The following STARD3 variants were observed in gnomAD, a reference collection of about 807,000 sequenced individuals.
STARD3 encodes stAR-related lipid transfer protein 3.
In STARD3, 39 loss-of-function variants were observed where a neutral mutation model predicts 62.0. The observed-to-expected ratio is 0.63, with a 90% CI of 0.49 to 0.82. STARD3 has a LOEUF of 0.82. Among genes scored for constraint, STARD3 ranks in the 40% least tolerant of loss-of-function variants. The pLI is 0.00. For synonymous variants in STARD3, 229 were observed against 242.4 expected, an observed-to-expected ratio of 0.94 and a Z score of 0.51; for missense variants, 543 against 584.5, an observed-to-expected ratio of 0.93 and a Z score of 0.73.
At chr17:39,649,962 C>CTGCT (rs1310896690) in intron 1 of STARD3, among the ~76,000 whole-genome samples, 7 of 150,238 alleles carry the variant, frequency 4.7e-5, no homozygotes, top group Admixed American at 1.3e-4. Context: ...CTGTAAGTTA[C>CTGCT]TGCTCACACG....
intron 1 of STARD3, among the ~76,000 whole-genome samples, chr17:39,646,056 T>A (rs1261871922): frequency 1.3e-5 from 2 of 151,024 alleles, no homozygotes; most frequent in Non-Finnish European, 3.0e-5. Flanking sequence ...CACACCCGGC[T>A]ATTTTTTGTA....
intron 1 of STARD3, among the ~76,000 whole-genome samples, chr17:39,641,401 C>T (rs893544968): frequency 4.6e-5 from 7 of 151,752 alleles, no homozygotes; most frequent in African/African-American, 1.2e-4. Flanking sequence ...CCTATGATCG[C>T]GCCTGTGAAC....
At chr17:39,658,302 A>G in intron 5 of STARD3, 103 bp from the exon 6 acceptor site, 1 of 1,079,258 alleles carries the variant, frequency 9.3e-7, no homozygotes, top group Non-Finnish European at 1.4e-6. Context: ...GCTACCAGGA[A>G]TGGGGTGTAT....
chr17:39,662,860 T>C lies in STARD3; in HGVS notation c.1290T>C (p.Phe430=). The change falls in exon 15 of 15, where the codon TTT becomes TTC. Residue 430 remains phenylalanine (F), a synonymous_variant. Coordinates refer to ENST00000336308, the MANE Select transcript of STARD3 (RefSeq NM_006804.4). The part of the protein sequence containing the change: ...HQSLAATMFE[F]AFHLRQRISE... ...GCCTCGCGGCCACCATGTTTGAATT[T>C]GCCTTTCACCTGCGACAGCGCATCA... is the stretch of plus-strand genomic sequence containing the variant. The C allele has an allele frequency of 6.2e-7, 1 of 1,612,710 alleles. No individual in the cohort carries two copies. Among genetic ancestry groups the C allele is most frequent in the Non-Finnish European group, 8.5e-7 (1 of 1,179,478 alleles).
At chr17:39,647,594 C>T (rs998927257) in intron 1 of STARD3, among the ~76,000 whole-genome samples, 3 of 152,132 alleles carry the variant, frequency 2.0e-5, no homozygotes, top group African/African-American at 7.2e-5. Context: ...AGTTCCACGC[C>T]ACGGTGGGTT....
At chr17:39,640,546 C>T (rs542364043) in intron 1 of STARD3, among the ~76,000 whole-genome samples, 1 of 139,312 alleles carries the variant, frequency 7.2e-6, no homozygotes, top group East Asian at 2.6e-4. Flanking sequence ...CCTATGGGGG[C>T]CTTTTCTTGA....
intron 1 of STARD3, among the ~76,000 whole-genome samples, chr17:39,648,599 T>C (rs986931783): frequency 9.9e-5 from 15 of 152,126 alleles, no homozygotes; most frequent in African/African-American, 3.6e-4. Flanking sequence ...ACAGGTTCCT[T>C]AACTCTGGGC....
At chr17:39,653,838 T>G (rs2057101535) in intron 2 of STARD3, 88 bp downstream of exon 2, 6 of 1,484,980 alleles carry the variant, frequency 4.0e-6, no homozygotes, top group Non-Finnish European at 5.6e-6. Context: ...GGGCTGCCTC[T>G]CCCCTGGGGT....
In STARD3 at chr17:39,660,356, C is replaced by G; in HGVS notation, c.859-75C>G. 6.2e-7 allele frequency: 1 copy of G among 1,601,962 alleles called. No homozygotes were observed. The highest frequency in any genetic ancestry group is 1.1e-5 in the South Asian group (1 of 90,842). On this transcript the variant is annotated intron_variant, in intron 10 of 14. Transcript: ENST00000336308. The surrounding 1 kb of genome is among the most constrained non-coding windows in gnomAD (Gnocchi z 4.8). ...GTGCCGAGGGGCCCTCTGGTGGGTG[C>G]CCCCCACCAAGAGGGAAGGGTTGGT...
intron 13 of STARD3, 37 bp downstream of exon 13, chr17:39,661,122 C>T: frequency 6.3e-7 from 1 of 1,595,810 alleles, no homozygotes; most frequent in Non-Finnish European, 8.6e-7. Context: ...CCCTGCCAGC[C>T]CCTCCCCTGG....
chr17:39,647,390 A>G (rs1427929544), intron 1 of STARD3, among the ~76,000 whole-genome samples: 1 of 151,944 alleles, frequency 6.6e-6, no homozygotes, highest in Non-Finnish European at 1.5e-5. Flanking sequence ...AGTCACAGCA[A>G]CCAGTGGGCT....
intron 1 of STARD3, among the ~76,000 whole-genome samples, chr17:39,640,300 G>A (rs993155620): frequency 1.3e-5 from 2 of 152,200 alleles, no homozygotes; most frequent in Non-Finnish European, 2.9e-5. Flanking sequence ...TCACTCAGCA[G>A]GGATTTAAAG....
intron 1 of STARD3, among the ~76,000 whole-genome samples, chr17:39,637,845 G>C (rs917489666): frequency 6.6e-6 from 1 of 152,008 alleles, no homozygotes; most frequent in African/African-American, 2.4e-5. Context: ...GTTTTCCTCT[G>C]TCGCCCAACC....
intron 1 of STARD3, among the ~76,000 whole-genome samples, chr17:39,649,972 G>C (rs960715307): frequency 6.7e-6 from 1 of 149,624 alleles, no homozygotes; most frequent in African/African-American, 2.5e-5. Context: ...CTGCTCACAC[G>C]TGTAATCCCA....
At chr17:39,656,563 C>T (rs1259434845) in intron 2 of STARD3, among the ~76,000 whole-genome samples, 3 of 152,174 alleles carry the variant, frequency 2.0e-5, no homozygotes, top group South Asian at 4.1e-4. Context: ...CCTGAGGCTC[C>T]GTCTGACACC....
intron 1 of STARD3, among the ~76,000 whole-genome samples, chr17:39,651,088 G>T (rs534131402): frequency 9.9e-5 from 15 of 152,236 alleles, no homozygotes; most frequent in Non-Finnish European, 2.1e-4. Flanking sequence ...TGTTTCCAGA[G>T]CTGAGCCCAG....
intron 2 of STARD3, among the ~76,000 whole-genome samples, chr17:39,654,186 A>G (rs113226566): frequency 0.058 from 8,839 of 152,188 alleles, 335 homozygotes; most frequent in African/African-American, 0.092. Context: ...TCATTCATTC[A>G]TTCATTCATT....
At chr17:39,662,113 A>T in intron 13 of STARD3, 138 bp from the exon 14 acceptor site, 1 of 727,324 alleles carries the variant, frequency 1.4e-6, no homozygotes, top group Non-Finnish European at 2.3e-6. Flanking sequence ...AGCCTTGTTC[A>T]GATAGGGTAG....
At chr17:39,659,800 G>A in intron 9 of STARD3, 2 of 499,284 alleles carry the variant, frequency 4.0e-6, no homozygotes, top group Non-Finnish European at 7.2e-6. Flanking sequence ...TTGGCTCCAG[G>A]CTTTGAAGGG....
Sources: gnomAD v4.1 joint callset for allele counts (sites outside exome capture counted in the v4.1 genomes callset) on GRCh38, gnomAD v4.1.1 for gene constraint, Gnocchi (gnomAD v3.1) non-coding constraint, MANE v1.5 for transcripts, NCBI Gene and HGNC (gene_info 2026-07-23, HGNC 2026-07-21) for gene names.